The following TMEM178B variants were observed in gnomAD, a reference collection of about 807,000 sequenced individuals.
TMEM178B encodes transmembrane protein 178B.
A neutral mutation model predicts 31.0 loss-of-function variants in TMEM178B; 5 were observed. The ratio of observed to expected loss-of-function variants is 0.16; its 90% CI spans 0.08 to 0.34. The LOEUF (loss-of-function observed/expected upper bound fraction) is 0.34. Among genes scored for constraint, TMEM178B ranks in the 10% least tolerant of loss-of-function variants. The pLI is 1.00. For missense variants in TMEM178B, 275 were observed against 400.3 expected (o/e 0.69, Z 2.67); for synonymous variants, 164 against 164.0 (o/e 1.00, Z 0.00).
At chr7:141,324,750 G>A (rs1414807190) in intron 2 of TMEM178B, among the ~76,000 whole-genome samples, 1 of 152,090 alleles carries the variant, frequency 6.6e-6, no homozygotes, top group Non-Finnish European at 1.5e-5. Context: ...ATGTGTGTGT[G>A]TGTGCACGCA....
chr7:141,377,358 A>G (rs1173632711), intron 2 of TMEM178B, among the ~76,000 whole-genome samples: 1 of 151,782 alleles, frequency 6.6e-6, no homozygotes, highest in Non-Finnish European at 1.5e-5. Context: ...TAATTTTTGT[A>G]TTTTTAGCAG....
At chr7:141,146,508 G>T (rs1041727943) in intron 1 of TMEM178B, among the ~76,000 whole-genome samples, 2 of 152,138 alleles carry the variant, frequency 1.3e-5, no homozygotes, top group African/African-American at 4.8e-5. Context: ...CCTGCACCTT[G>T]TTACATCATG....
intron 1 of TMEM178B, among the ~76,000 whole-genome samples, chr7:141,201,983 G>C (rs1380205766): frequency 2.6e-5 from 4 of 152,170 alleles, no homozygotes; most frequent in African/African-American, 9.7e-5. Flanking sequence ...TTAAGAGTGT[G>C]TTAGGTGGAT....
At chr7:141,293,594 T>C (rs1798583626) in intron 2 of TMEM178B, among the ~76,000 whole-genome samples, 1 of 152,134 alleles carries the variant, frequency 6.6e-6, no homozygotes. Context: ...GTTGAGACCA[T>C]GGGAGAGCTA....
chr7:141,406,833 C>T (rs939011542), intron 2 of TMEM178B, among the ~76,000 whole-genome samples: 5 of 152,130 alleles, frequency 3.3e-5, no homozygotes, highest in Admixed American at 6.5e-5. Context: ...GTTGAAGTGG[C>T]GTTTTGTTAC....
At chr7:141,101,584 A>G (rs573103058) in intron 1 of TMEM178B, among the ~76,000 whole-genome samples, 2 of 152,374 alleles carry the variant, frequency 1.3e-5, no homozygotes, top group Non-Finnish European at 2.9e-5. Flanking sequence ...AACATGTCTC[A>G]TGATGCATAA....
At chr7:141,192,366 G>A (rs1409247376) in intron 1 of TMEM178B, among the ~76,000 whole-genome samples, 1 of 152,162 alleles carries the variant, frequency 6.6e-6, no homozygotes, top group Non-Finnish European at 1.5e-5. Context: ...CCTGGGGAAG[G>A]GAGAGGTGGG....
At chr7:141,192,254 C>G (rs963483286) in intron 1 of TMEM178B, among the ~76,000 whole-genome samples, 1 of 152,120 alleles carries the variant, frequency 6.6e-6, no homozygotes, top group Non-Finnish European at 1.5e-5. Flanking sequence ...AGAGAGAGGA[C>G]AGGCAGAGGG....
At position 141,281,269 on chromosome 7, in the gene TMEM178B, T is replaced by C. The variant is rs1345292859; in HGVS notation, c.496+68565T>C. 6.6e-5 allele frequency among the ~76,000 whole-genome samples: 10 copies of C among 152,184 alleles called. No homozygotes were observed. The East Asian group carries it at 1.5e-3, about 23-fold the overall frequency. ...TGGAATTTAAATAGTGCCTCAGGGA[T>C]AGGCTTGCTCTTCTGGTGCCATCAG... On this transcript the variant is annotated intron_variant, in intron 2 of 3. Coordinates refer to ENST00000565468, the MANE Select transcript of TMEM178B (RefSeq NM_001195278.2).
chr7:141,268,466 T>C (rs1798128481), intron 2 of TMEM178B, among the ~76,000 whole-genome samples: 1 of 152,252 alleles, frequency 6.6e-6, no homozygotes, highest in South Asian at 2.1e-4. Context: ...AAATAATTCA[T>C]CTTGTTGATG....
At chr7:141,196,597 G>A (rs1191001856) in intron 1 of TMEM178B, among the ~76,000 whole-genome samples, 1 of 152,172 alleles carries the variant, frequency 6.6e-6, no homozygotes, top group Admixed American at 6.6e-5. Context: ...TAGAGCTAAG[G>A]GTTGGGGGTT....
chr7:141,342,585 G>A (rs1049293343), intron 2 of TMEM178B, among the ~76,000 whole-genome samples: 1 of 152,158 alleles, frequency 6.6e-6, no homozygotes, highest in Non-Finnish European at 1.5e-5. Flanking sequence ...TCACCTGTTA[G>A]GTGGTTGCGT....
At position 141,318,593 on chromosome 7, in the gene TMEM178B, C is replaced by T. The variant is rs1230936239; in HGVS notation, c.496+105889C>T. Among the ~76,000 whole-genome samples, 1 of 152,146 alleles carries T rather than the reference C, an allele frequency of 6.6e-6. No homozygotes were observed. The highest frequency in any genetic ancestry group is 2.4e-5 in the African/African-American group (1 of 41,440). ...TAAAATATTCCTCATCTCTTCAAACCCGTGCTGTGTTGCCCAGTTGTTTGA... is the reference window on the plus strand; with the variant it reads ...TAAAATATTCCTCATCTCTTCAAACTCGTGCTGTGTTGCCCAGTTGTTTGA... On this transcript the variant is annotated intron_variant, in intron 2 of 3. Transcript: ENST00000565468. The surrounding 1 kb of genome is among the most constrained non-coding windows in gnomAD (Gnocchi z 4.1).
intron 2 of TMEM178B, among the ~76,000 whole-genome samples, chr7:141,273,980 C>T (rs565171935): frequency 2.0e-5 from 3 of 152,342 alleles, no homozygotes; most frequent in South Asian, 4.1e-4. Context: ...GTGGTTTCTT[C>T]GGCAAACCAA....
chr7:141,141,063 T>C lies in TMEM178B; in HGVS notation c.382+66371T>C, dbSNP rs1246267492. On this transcript the variant is annotated intron_variant, in intron 1 of 3. Coordinates refer to ENST00000565468, the MANE Select transcript of TMEM178B (RefSeq NM_001195278.2). ...CCTCCTTTAGGATGCAGTATCTATA[T>C]AAATTGTTTGGTATTTTTCTGCATA... Among the ~76,000 whole-genome samples, 3 of 152,224 alleles carry C rather than the reference T, an allele frequency of 2.0e-5. No homozygotes were observed. The East Asian group carries it at 5.8e-4, about 29-fold the overall frequency.
In TMEM178B at chr7:141,074,158, G is replaced by T. The variant is rs1794554560; in HGVS notation, c.-153G>T. 4 of 1,162,222 alleles carry T rather than the reference G, an allele frequency of 3.4e-6. No homozygotes were observed. Among genetic ancestry groups the T allele is most frequent in the Non-Finnish European group, 4.6e-6 (4 of 872,608 alleles). The allele number at this position is 1,162,222 out of a possible 1,614,324, so 72.0% of individuals were successfully genotyped here. On this transcript the variant is annotated 5_prime_UTR_variant, in exon 1 of 4. Coordinates refer to ENST00000565468, the MANE Select transcript of TMEM178B (RefSeq NM_001195278.2). This position sits in a 1 kb window ranked among gnomAD's most constrained non-coding sequence, Gnocchi z 5.1. ...CCCATCCCCGCAGTCCCCGGGCCGT[G>T]CTCCGGTAGGCGGGGGCCGAGGGGG...
chr7:141,074,245 C>A lies in TMEM178B; in HGVS notation c.-66C>A. ...AGCTCGGCCGCCCGCCGCTTTGTTC[C>A]GGGTGCGGCGAGGGAAGGCGAGGCT... is the stretch of plus-strand genomic sequence containing the variant. On this transcript the variant is annotated 5_prime_UTR_variant, in exon 1 of 4. Transcript: ENST00000565468. This position sits in a 1 kb window ranked among gnomAD's most constrained non-coding sequence, Gnocchi z 5.1. 6.9e-7 allele frequency: 1 copy of A among 1,449,086 alleles called. No homozygotes were observed. The highest frequency in any genetic ancestry group is 9.1e-7 in the Non-Finnish European group (1 of 1,103,206). 89.8% of individuals were successfully genotyped at this position (1,449,086 alleles called of 1,614,324 possible).
At chr7:141,421,403 T>C (rs2116652239) in intron 2 of TMEM178B, among the ~76,000 whole-genome samples, 1 of 152,336 alleles carries the variant, frequency 6.6e-6, no homozygotes, top group South Asian at 2.1e-4. Flanking sequence ...CCTCGTAGCA[T>C]GGCAGTGAAC....
chr7:141,260,716 G>T (rs2116359574), intron 2 of TMEM178B, among the ~76,000 whole-genome samples: 1 of 152,222 alleles, frequency 6.6e-6, no homozygotes, highest in East Asian at 1.9e-4. Context: ...TATGTAGGTG[G>T]TAAGTAATTT....
Sources: allele counts gnomAD v4.1 joint callset (sites outside exome capture counted in the v4.1 genomes callset), GRCh38; gene constraint gnomAD v4.1.1; non-coding constraint Gnocchi (gnomAD v3.1); transcripts MANE v1.5; gene names NCBI Gene and HGNC (gene_info 2026-07-23, HGNC 2026-07-21).